PDE11A: variants seen among roughly 807,000 people sequenced by gnomAD.
PDE11A encodes the protein phosphodiesterase 11A.
A neutral mutation model predicts 100.5 loss-of-function variants in PDE11A; 100 were observed. That is an observed-to-expected ratio of 1.00 (90% confidence interval 0.85 to 1.18). The LOEUF is 1.18. Among genes scored for constraint, PDE11A ranks in the 50% most tolerant of loss-of-function variants. The probability of loss-of-function intolerance (pLI) is 0.00; values close to 1 mark genes in which losing one functional copy is unlikely to be tolerated. For synonymous variants in PDE11A, 381 were observed against 420.8 expected (o/e 0.91, Z 1.16); for missense variants, 1,141 against 1,152.6 (o/e 0.99, Z 0.15).
intron 5 of PDE11A, among the ~76,000 whole-genome samples, chr2:177,870,575 G>A (rs924250473): frequency 2.0e-5 from 3 of 152,158 alleles, no homozygotes; most frequent in African/African-American, 7.2e-5. Flanking sequence ...CAACTACTAT[G>A]TGCCAGGCAT....
intron 12 of PDE11A, among the ~76,000 whole-genome samples, chr2:177,726,609 T>C (rs1476851164): frequency 1.3e-5 from 2 of 151,200 alleles, no homozygotes; most frequent in Non-Finnish European, 2.9e-5. Flanking sequence ...TGGCACTAGA[T>C]GAATGCCTTA....
At chr2:177,657,853 G>A (rs1019090678) in intron 19 of PDE11A, among the ~76,000 whole-genome samples, 13 of 152,214 alleles carry the variant, frequency 8.5e-5, no homozygotes, top group African/African-American at 2.4e-4. Context: ...AAAAGACTTA[G>A]GAAGTTATGT....
At position 177,751,441 on chromosome 2, in the gene PDE11A, G is replaced by T. The variant is rs149153984; in HGVS notation, c.1788+17882C>A. Among the ~76,000 whole-genome samples, 496 of 152,272 alleles carry T rather than the reference G, an allele frequency of 3.3e-3. 5 individuals carry two copies. In the East Asian group the frequency reaches 0.048, roughly 15 times the overall value. ...CCTCTGTTGTAGGTAAACATTCCAAGACTTTATCTACAATTTATGAAAGCC... is the reference window on the plus strand; with the variant it reads ...CCTCTGTTGTAGGTAAACATTCCAATACTTTATCTACAATTTATGAAAGCC... On this transcript the variant is annotated intron_variant, in intron 10 of 19. Coordinates refer to ENST00000286063, the MANE Select transcript of PDE11A (RefSeq NM_016953.4).
intron 1 of PDE11A, among the ~76,000 whole-genome samples, chr2:178,024,605 G>A (rs1458535803): frequency 1.3e-5 from 2 of 152,008 alleles, no homozygotes; most frequent in Non-Finnish European, 2.9e-5. Context: ...AAGATTCAGA[G>A]AAAAAGTTCA....
At chr2:178,032,040 G>A (rs1460934233) in intron 1 of PDE11A, among the ~76,000 whole-genome samples, 1 of 152,008 alleles carries the variant, frequency 6.6e-6, no homozygotes, top group African/African-American at 2.4e-5. Context: ...TATAGAAAAT[G>A]GATTTATGGC....
At chr2:177,954,358 C>G (rs2085536286) in intron 2 of PDE11A, among the ~76,000 whole-genome samples, 1 of 152,012 alleles carries the variant, frequency 6.6e-6, no homozygotes, top group South Asian at 2.1e-4. Flanking sequence ...CATAAAAGAG[C>G]CCAAGAGAGA....
Position 177,626,335 on chromosome 2 carries a change from T to A in PDE11A, c.*3072A>T, listed in dbSNP as rs1021780202. On this transcript the variant is annotated 3_prime_UTR_variant, in exon 20 of 20. Transcript: ENST00000286063. Reference sequence around the variant, plus strand: ...TGCTGTAGATGGACTGGCATCCATTTGTCTGGGCTATTTATTTATTTATTG... The same window carrying A: ...TGCTGTAGATGGACTGGCATCCATTAGTCTGGGCTATTTATTTATTTATTG... 4 of 152,632 alleles carry A rather than the reference T, an allele frequency of 2.6e-5. No individual in the cohort carries two copies. Among genetic ancestry groups the A allele is most frequent in the Non-Finnish European group, 4.4e-5 (3 of 68,054 alleles). The allele number at this position is 152,632 out of a possible 1,614,324, so 9.5% of individuals were successfully genotyped here.
chr2:177,770,712 G>C (rs2082299731), intron 9 of PDE11A, among the ~76,000 whole-genome samples: 1 of 152,196 alleles, frequency 6.6e-6, no homozygotes, highest in South Asian at 2.1e-4. Flanking sequence ...TTCTTGTTGT[G>C]TGAGACAAAT....
chr2:178,024,281 G>A (rs1244776019), intron 1 of PDE11A, among the ~76,000 whole-genome samples: 3 of 152,054 alleles, frequency 2.0e-5, no homozygotes, highest in Non-Finnish European at 4.4e-5. Context: ...GCATAGTGGT[G>A]CACACCTGTA....
chr2:177,981,544 T>C (rs980283451), intron 2 of PDE11A, among the ~76,000 whole-genome samples: 4 of 150,648 alleles, frequency 2.7e-5, no homozygotes, highest in African/African-American at 9.7e-5. Flanking sequence ...CTGTCCAAAT[T>C]GACTCTTTTT....
chr2:177,928,812 A>C (rs1249262147), intron 2 of PDE11A, among the ~76,000 whole-genome samples: 1 of 152,108 alleles, frequency 6.6e-6, no homozygotes, highest in Non-Finnish European at 1.5e-5. Flanking sequence ...GCAGTCAGCC[A>C]TGATTGTGCC....
At chr2:178,006,030 C>A (rs550352472) in intron 2 of PDE11A, among the ~76,000 whole-genome samples, 2 of 152,196 alleles carry the variant, frequency 1.3e-5, no homozygotes, top group Admixed American at 1.3e-4. Flanking sequence ...CTGAAAGGGG[C>A]CTGTAAATCT....
chr2:177,675,128 G>A (rs1338500575), intron 17 of PDE11A, among the ~76,000 whole-genome samples: 1 of 151,726 alleles, frequency 6.6e-6, no homozygotes, highest in African/African-American at 2.4e-5. Flanking sequence ...ACAAGACTTT[G>A]TACTGAGATG....
At chr2:177,812,026 C>T (rs1288208503) in intron 9 of PDE11A, among the ~76,000 whole-genome samples, 1 of 152,166 alleles carries the variant, frequency 6.6e-6, no homozygotes, top group Non-Finnish European at 1.5e-5. Flanking sequence ...GTAGACAAAA[C>T]TCAATGAAGA....
chr2:177,838,748 G>A (rs2083443409), intron 6 of PDE11A, among the ~76,000 whole-genome samples: 1 of 152,186 alleles, frequency 6.6e-6, no homozygotes, highest in African/African-American at 2.4e-5. Context: ...CAATGGAAAA[G>A]TATATAAATG....
intron 13 of PDE11A, among the ~76,000 whole-genome samples, chr2:177,711,502 T>G (rs1173913037): frequency 1.3e-5 from 2 of 152,186 alleles, no homozygotes; most frequent in African/African-American, 4.8e-5. Context: ...AGGAAAAAAG[T>G]AGACCCTTTA....
At chr2:177,849,935 A>C (rs1301305307) in intron 5 of PDE11A, among the ~76,000 whole-genome samples, 7 of 152,252 alleles carry the variant, frequency 4.6e-5, no homozygotes, top group Non-Finnish European at 4.4e-5. Flanking sequence ...GGAAGAATCA[A>C]TATTGTGAAA....
chr2:177,966,628 T>A (rs1249071493), intron 2 of PDE11A, among the ~76,000 whole-genome samples: 1 of 152,210 alleles, frequency 6.6e-6, no homozygotes, highest in Non-Finnish European at 1.5e-5. Context: ...GGTTTTGTTT[T>A]TAATTCTGCT....
chr2:178,062,802 A>G (rs2086989339), intron 1 of PDE11A, among the ~76,000 whole-genome samples: 1 of 152,248 alleles, frequency 6.6e-6, no homozygotes, highest in Admixed American at 6.5e-5. Flanking sequence ...CATAAATGCA[A>G]AAATGTAATG....
Sources: gnomAD v4.1 joint callset for allele counts (sites outside exome capture counted in the v4.1 genomes callset) on GRCh38, gnomAD v4.1.1 for gene constraint, MANE v1.5 for transcripts, NCBI Gene and HGNC (gene_info 2026-07-23, HGNC 2026-07-21) for gene names.